DNA2: variants seen among roughly 807,000 people sequenced by gnomAD.
The protein encoded by DNA2 is DNA replication helicase/nuclease 2, also known as DNA replication ATP-dependent helicase/nuclease DNA2.
DNA2 carries 101 observed loss-of-function variants against 119.1 expected under a neutral mutation model. The ratio of observed to expected loss-of-function variants is 0.85; its 90% CI spans 0.72 to 1.00. The LOEUF is 1.00. Ranked by LOEUF, DNA2 falls within the 50% of genes least tolerant of loss-of-function variation. DNA2 has a pLI of 0.00. For synonymous variants in DNA2, 366 were observed against 424.4 expected (o/e 0.86, Z 1.69); for missense variants, 1,121 against 1,255.5 (o/e 0.89, Z 1.62).
chr10:68,434,106 G>A (rs114846635), intron 10 of DNA2, among the ~76,000 whole-genome samples: 3,828 of 152,014 alleles, frequency 0.025, 157 homozygotes, highest in African/African-American at 0.087. Context: ...AAAACCCTGC[G>A]TCTACTAAAA....
rs114589128 is a variant in DNA2 at position 68,432,544 on chromosome 10, G to A, written c.1647-34C>T. 6,384 of 1,161,876 alleles carry A rather than the reference G, an allele frequency of 5.5e-3. 260 individuals carry two copies. The African/African-American group carries it at 0.087, about 16-fold the overall frequency. 72.0% of individuals were successfully genotyped at this position (1,161,876 alleles called of 1,614,324 possible). A position where few individuals can be genotyped will look rare whatever the true frequency, so the allele number is the denominator to read the frequency against. On this transcript the variant is annotated intron_variant, in intron 10 of 20. Transcript: ENST00000358410. The stretch of plus-strand genomic sequence containing the variant: ...ACAAAACAAATATACATGAATGCTC[G>A]CCATTTCGCATAGTCTGTATAAGAA...
intron 9 of DNA2, among the ~76,000 whole-genome samples, chr10:68,441,241 C>T (rs1255121631): frequency 6.7e-6 from 1 of 148,990 alleles, no homozygotes; most frequent in Non-Finnish European, 1.5e-5. Flanking sequence ...GAGGCAGGAG[C>T]ACTGTGAACT....
At chr10:68,458,522 A>C (rs1223554143) in intron 5 of DNA2, among the ~76,000 whole-genome samples, 1 of 151,084 alleles carries the variant, frequency 6.6e-6, no homozygotes, top group African/African-American at 2.4e-5. Context: ...CAACAGAGCA[A>C]GACTCTGTAT....
intron 1 of DNA2, chr10:68,470,617 C>T (rs1448468997): frequency 2.2e-6 from 1 of 450,648 alleles, no homozygotes; most frequent in Admixed American, 2.5e-5. Context: ...CCGGTTCTGG[C>T]GGAGAAAAAA....
chr10:68,426,348 G>C (rs189295765), intron 14 of DNA2, among the ~76,000 whole-genome samples: 100 of 150,788 alleles, frequency 6.6e-4, no homozygotes, highest in Non-Finnish European at 1.1e-3. Flanking sequence ...GACCAGCCTG[G>C]CCAACACAGC....
intron 17 of DNA2, 95 bp from the exon 18 acceptor site, chr10:68,419,987 G>A (rs145003032): frequency 3.3e-6 from 3 of 912,106 alleles, no homozygotes; most frequent in Non-Finnish European, 5.2e-6. Flanking sequence ...CCGACTTGGA[G>A]ATGAAAAATA....
At chr10:68,423,016 T>A in intron 14 of DNA2, 126 bp from the exon 15 acceptor site, 1 of 639,084 alleles carries the variant, frequency 1.6e-6, no homozygotes, top group East Asian at 2.9e-5. Flanking sequence ...TTCGATATTA[T>A]TTAATTCTGA....
rs531252324 is a variant in DNA2 at position 68,469,707 on chromosome 10, C to T, written c.257+274G>A. Reference sequence around the variant, plus strand: ...CTCAAACTCCTGACCTGAGGTGATCCGCCTGCCTTGGCCTCCCAAAGTGCT... The same window carrying T: ...CTCAAACTCCTGACCTGAGGTGATCTGCCTGCCTTGGCCTCCCAAAGTGCT... On this transcript the variant is annotated intron_variant, in intron 2 of 20. Transcript: ENST00000358410. 3.9e-5 allele frequency among the ~76,000 whole-genome samples: 6 copies of T among 152,100 alleles called. No individual in the cohort carries two copies. The East Asian group carries it at 5.8e-4, about 15-fold the overall frequency.
At chr10:68,424,638 C>A (rs35329290) in intron 14 of DNA2, 250,644 of 1,593,270 alleles carry the variant, frequency 0.16, 21,329 homozygotes, top group Admixed American at 0.26. Context: ...GCACGTGCAC[C>A]GGAAGATCAT....
rs7897158 is a variant in DNA2, at chr10:68,435,914, G to C, written c.1646+1097C>G. Among the ~76,000 whole-genome samples, 1,216 of 152,296 alleles carry C rather than the reference G, an allele frequency of 8.0e-3. 27 individuals are homozygous for C. The highest frequency in any genetic ancestry group is 0.028 in the African/African-American group (1,169 of 41,554). ...AGAAATAAGCATTATAGCTAACACA[G>C]GGTGGCATCTATGCTGTCTGCTATA... is the stretch of plus-strand genomic sequence containing the variant. On this transcript the variant is annotated intron_variant, in intron 10 of 20. Coordinates refer to ENST00000358410, the MANE Select transcript of DNA2 (RefSeq NM_001080449.3).
chr10:68,472,188 G>A (rs1368409818), upstream of DNA2: 7 of 1,274,344 alleles, frequency 5.5e-6, no homozygotes, highest in East Asian at 1.8e-4. Context: ...GAAACCTCCC[G>A]GGTTCACACC....
At chr10:68,429,921 C>T (rs1590053526) in intron 14 of DNA2, among the ~76,000 whole-genome samples, 1 of 127,110 alleles carries the variant, frequency 7.9e-6, no homozygotes, top group Non-Finnish European at 1.6e-5. Context: ...CTTGCATTGT[C>T]ACCTAGGCTG....
intron 14 of DNA2, chr10:68,424,707 C>A: frequency 6.2e-7 from 1 of 1,604,600 alleles, no homozygotes; most frequent in Non-Finnish European, 8.5e-7. Flanking sequence ...CACACCCATC[C>A]GCAAGGACGA....
At chr10:68,463,747 A>G (rs2052291640) in intron 4 of DNA2, among the ~76,000 whole-genome samples, 1 of 152,116 alleles carries the variant, frequency 6.6e-6, no homozygotes, top group Admixed American at 6.6e-5. Context: ...TTCATCAGAC[A>G]TTGAGACTTC....
chr10:68,467,685 G>C (rs963891982), intron 3 of DNA2, among the ~76,000 whole-genome samples: 1 of 151,990 alleles, frequency 6.6e-6, no homozygotes. Context: ...TGAGTAGCTG[G>C]GACTACAGGT....
In DNA2 at chr10:68,430,093, G is replaced by A. The variant is rs548200018; in HGVS notation, c.2208+343C>T. Among the ~76,000 whole-genome samples the A allele has an allele frequency of 4.0e-5, 6 of 151,758 alleles. No individual in the cohort carries two copies. The South Asian group carries it at 1.3e-3, about 32-fold the overall frequency. On this transcript the variant is annotated intron_variant, in intron 14 of 20. Coordinates refer to ENST00000358410, the MANE Select transcript of DNA2 (RefSeq NM_001080449.3). The stretch of plus-strand genomic sequence containing the variant: ...GTAGAGACAGGTTTTCACCATGTTG[G>A]CCAGGCTGGTCTTGAACTCTTGACC...
rs958226223 is a variant in DNA2 at position 68,468,049 on chromosome 10, T to C, written c.441+74A>G. On this transcript the variant is annotated intron_variant, in intron 3 of 20. Coordinates refer to ENST00000358410, the MANE Select transcript of DNA2 (RefSeq NM_001080449.3). ...TTATAGGGTTGCTGGGAGGATTAAGTGAAATAATAAATGTAAAAGTGCTCT... is the reference window on the plus strand; with the variant it reads ...TTATAGGGTTGCTGGGAGGATTAAGCGAAATAATAAATGTAAAAGTGCTCT... The C allele has an allele frequency of 8.9e-6, 10 of 1,120,958 alleles. No individual in the cohort carries two copies. The African/African-American group carries it at 1.6e-4, about 18-fold the overall frequency. The allele number at this position is 1,120,958 out of a possible 1,614,324, so 69.4% of individuals were successfully genotyped here.
intron 3 of DNA2, among the ~76,000 whole-genome samples, chr10:68,467,008 GAC>G (rs2052334588): frequency 6.6e-6 from 1 of 152,210 alleles, no homozygotes; most frequent in African/African-American, 2.4e-5. Context: ...CAGCCTGGGT[GAC>G]ACAGTGAGAC....
At chr10:68,466,091 G>C (rs751107692) in intron 3 of DNA2, among the ~76,000 whole-genome samples, 1 of 151,666 alleles carries the variant, frequency 6.6e-6, no homozygotes. Flanking sequence ...CACAATCTCA[G>C]CTCACTGCAA....
Sources: gnomAD v4.1 joint callset for allele counts (sites outside exome capture counted in the v4.1 genomes callset) on GRCh38, gnomAD v4.1.1 for gene constraint, MANE v1.5 for transcripts, NCBI Gene and HGNC (gene_info 2026-07-23, HGNC 2026-07-21) for gene names.